Variants in TCF4 observed in about 807,000 individuals in gnomAD.
TCF4 encodes transcription factor 4.
TCF4 carries 3 observed loss-of-function variants against 82.1 expected under a neutral mutation model. The observed-to-expected ratio is 0.04, with a 90% confidence interval of 0.02 to 0.09. TCF4 has a LOEUF of 0.09. TCF4 is among the 10% of genes least tolerant of loss of function. TCF4 has a pLI of 1.00. For missense variants in TCF4, 518 were observed against 852.7 expected, an observed-to-expected ratio of 0.61 and a Z score of 4.89; for synonymous variants, 276 against 309.6, an observed-to-expected ratio of 0.89 and a Z score of 1.14.
At chr18:55,444,754 A>T (rs1403941852) in intron 5 of TCF4, among the ~76,000 whole-genome samples, 1 of 152,176 alleles carries the variant, frequency 6.6e-6, no homozygotes, top group Admixed American at 6.5e-5. Context: ...CAAACCCAGA[A>T]TCACAAATCT....
chr18:55,260,041 G>T lies in TCF4; in HGVS notation c.991-14C>A. 6.3e-7 allele frequency: 1 copy of T among 1,592,536 alleles called. No individual in the cohort carries two copies. The highest frequency in any genetic ancestry group is 8.6e-7 in the Non-Finnish European group (1 of 1,162,058). On this transcript the variant is annotated splice_polypyrimidine_tract_variant and intron_variant, in intron 12 of 19. Coordinates refer to ENST00000354452, the MANE Select transcript of TCF4 (RefSeq NM_001083962.2). The stretch of plus-strand genomic sequence containing the variant: ...TGGAGAATAGATCTTAAAACAATAA[G>T]GAGAAAAAAAAAACACCCTCATTCA...
At chr18:55,327,868 A>G (rs2076843262) in intron 8 of TCF4, among the ~76,000 whole-genome samples, 1 of 152,180 alleles carries the variant, frequency 6.6e-6, no homozygotes, top group Admixed American at 6.5e-5. Flanking sequence ...CAAAAACCAG[A>G]TTCTCAAATT....
intron 3 of TCF4, among the ~76,000 whole-genome samples, chr18:55,480,296 A>AAAGAAGGGG (rs1568175293): frequency 1.6e-5 from 1 of 63,356 alleles, no homozygotes; most frequent in Non-Finnish European, 3.0e-5. Flanking sequence ...AAAAAAAAAA[A>AAAGAAGGGG]GCGGGGGGGC....
intron 3 of TCF4, among the ~76,000 whole-genome samples, chr18:55,466,599 G>T (rs542666495): frequency 1.7e-4 from 26 of 152,180 alleles, no homozygotes; most frequent in African/African-American, 6.3e-4. Context: ...TTGGAGAAAA[G>T]ATGTATTAAA....
chr18:55,565,794 T>G (rs2097400063), intron 3 of TCF4, among the ~76,000 whole-genome samples: 1 of 151,682 alleles, frequency 6.6e-6, no homozygotes, highest in African/African-American at 2.4e-5. Flanking sequence ...AATAAAATGA[T>G]GTCTTTTGTA....
At chr18:55,362,400 AGG>A (rs2085582011) in intron 6 of TCF4, among the ~76,000 whole-genome samples, 1 of 141,292 alleles carries the variant, frequency 7.1e-6, no homozygotes, top group African/African-American at 2.8e-5. Flanking sequence ...GAAAGAAGGA[AGG>A]AAGGAAGGAA....
chr18:55,440,237 C>T (rs999264380), intron 5 of TCF4, among the ~76,000 whole-genome samples: 1 of 152,218 alleles, frequency 6.6e-6, no homozygotes, highest in Non-Finnish European at 1.5e-5. Flanking sequence ...AACACACACA[C>T]ATGAAAATAT....
At chr18:55,228,463 A>C in intron 18 of TCF4, 102 bp from the exon 19 acceptor site, 1 of 1,500,070 alleles carries the variant, frequency 6.7e-7, no homozygotes, top group East Asian at 2.3e-5. Flanking sequence ...CTCAGTGTTT[A>C]TATTACAGAA....
At chr18:55,330,095 C>G (rs1043421382) in intron 8 of TCF4, among the ~76,000 whole-genome samples, 5 of 151,192 alleles carry the variant, frequency 3.3e-5, no homozygotes, top group Non-Finnish European at 7.4e-5. Context: ...TGGTACAGAA[C>G]ATATGATAAA....
intron 5 of TCF4, among the ~76,000 whole-genome samples, chr18:55,430,936 C>T (rs1306576380): frequency 6.6e-6 from 1 of 152,122 alleles, no homozygotes; most frequent in Non-Finnish European, 1.5e-5. Context: ...AGAAACCACA[C>T]TTTGATAATC....
At chr18:55,327,084 T>C (rs1248538654) in intron 8 of TCF4, among the ~76,000 whole-genome samples, 1 of 152,154 alleles carries the variant, frequency 6.6e-6, no homozygotes, top group Non-Finnish European at 1.5e-5. Flanking sequence ...ACCTCTTACG[T>C]GTATATTCCC....
At chr18:55,338,683 T>C (rs1220616835) in intron 8 of TCF4, among the ~76,000 whole-genome samples, 4 of 152,314 alleles carry the variant, frequency 2.6e-5, no homozygotes, top group Admixed American at 1.3e-4. Context: ...GGGAGGAAGA[T>C]GAGAGTGAAG....
intron 3 of TCF4, among the ~76,000 whole-genome samples, chr18:55,567,920 C>A (rs1282975451): frequency 1.3e-5 from 2 of 151,390 alleles, no homozygotes; most frequent in African/African-American, 2.4e-5. Flanking sequence ...TAATAGAGGT[C>A]AATAATAAAA....
At chr18:55,383,245 T>C (rs1482993790) in intron 6 of TCF4, among the ~76,000 whole-genome samples, 1 of 152,238 alleles carries the variant, frequency 6.6e-6, no homozygotes, top group African/African-American at 2.4e-5. Context: ...ATCTTCTTTT[T>C]CACCCAGGTT....
At chr18:55,239,921 C>A (rs1165034888) in intron 15 of TCF4, among the ~76,000 whole-genome samples, 3 of 152,184 alleles carry the variant, frequency 2.0e-5, no homozygotes, top group Non-Finnish European at 2.9e-5. Flanking sequence ...AGGCCTATTT[C>A]ATGGATGGGA....
intron 3 of TCF4, among the ~76,000 whole-genome samples, chr18:55,559,231 GACCCATAATC>G (rs2097333819): frequency 6.6e-6 from 1 of 150,888 alleles, no homozygotes; most frequent in Non-Finnish European, 1.5e-5. Context: ...TGGCCTTAAT[GACCCATAATC>G]ACTTTTAGCA....
At chr18:55,467,855 G>T (rs1168120012) in intron 3 of TCF4, among the ~76,000 whole-genome samples, 1 of 152,164 alleles carries the variant, frequency 6.6e-6, no homozygotes, top group African/African-American at 2.4e-5. Flanking sequence ...GAGCTTGAAT[G>T]TATGTCAGAC....
chr18:55,251,108 A>T (rs1293126043), intron 15 of TCF4, among the ~76,000 whole-genome samples: 1 of 152,174 alleles, frequency 6.6e-6, no homozygotes, highest in Non-Finnish European at 1.5e-5. Context: ...GTCTTGCTGG[A>T]AGACTTGTTG....
At chr18:55,354,401 T>G (rs1410818367) in intron 6 of TCF4, among the ~76,000 whole-genome samples, 1 of 152,182 alleles carries the variant, frequency 6.6e-6, no homozygotes, top group Non-Finnish European at 1.5e-5. Context: ...TTCGAACACA[T>G]TCTCAACCCT....
Sources: gnomAD v4.1 joint callset for allele counts (sites outside exome capture counted in the v4.1 genomes callset) on GRCh38, gnomAD v4.1.1 for gene constraint, MANE v1.5 for transcripts, NCBI Gene and HGNC (gene_info 2026-07-23, HGNC 2026-07-21) for gene names.